The following FUCA2 variants were observed in gnomAD, a reference collection of about 807,000 sequenced individuals.
The protein encoded by FUCA2 is alpha-L-fucosidase 2, also known as plasma alpha-L-fucosidase.
FUCA2 carries 41 observed loss-of-function variants against 52.6 expected under a neutral mutation model. The ratio of observed to expected loss-of-function variants is 0.78; its 90% CI spans 0.61 to 1.01. FUCA2 has a LOEUF of 1.01. Ranked by LOEUF, FUCA2 falls within the 50% of genes least tolerant of loss-of-function variation. The probability of loss-of-function intolerance (pLI) is 0.00; values close to 1 mark genes in which losing one functional copy is unlikely to be tolerated. For missense variants in FUCA2, 507 were observed against 569.5 expected (o/e 0.89, Z 1.12); for synonymous variants, 211 against 217.3 (o/e 0.97, Z 0.26).
chr6:143,510,638 C>CA lies in FUCA2; in HGVS notation c.224+772dup, dbSNP rs57091762. Among the ~76,000 whole-genome samples, 4,067 of 76,776 alleles carry CA rather than the reference C, an allele frequency of 0.053. 115 individuals are homozygous for CA. The highest frequency in any genetic ancestry group is 0.15 in the Admixed American group (1,118 of 7,364). 50.4% of individuals were successfully genotyped at this position (76,776 alleles called of 152,430 possible). On this transcript the variant is annotated intron_variant, in intron 1 of 6. Coordinates refer to ENST00000002165, the MANE Select transcript of FUCA2 (RefSeq NM_032020.5). The surrounding 1 kb of genome is among the most constrained non-coding windows in gnomAD (Gnocchi z 4.4). ...TGGGTGACAGAATGAGACTATGTCT[C>CA]AAAAAAAAAAAAAAAAGAATATATT...
Position 143,497,130 on chromosome 6 carries a change from TA to T in FUCA2, c.1263+258del. 3.7e-5 allele frequency: 14 copies of T among 383,186 alleles called. No homozygotes were observed. The highest frequency in any genetic ancestry group is 1.1e-4 in the East Asian group (2 of 18,820). 23.7% of individuals were successfully genotyped at this position (383,186 alleles called of 1,614,324 possible). ...GCGTGCCACCATGCTCAGCTAACTT[TA>T]AAAAAAATTTTTGTAGACAGGGGTC... is the stretch of plus-strand genomic sequence containing the variant. On this transcript the variant is annotated intron_variant, in intron 6 of 6. Coordinates refer to ENST00000002165, the MANE Select transcript of FUCA2 (RefSeq NM_032020.5). The surrounding 1 kb of genome is among the most constrained non-coding windows in gnomAD (Gnocchi z 5.3).
chr6:143,507,547 C>A lies in FUCA2; in HGVS notation c.225-123G>T. 1 of 684,040 alleles carries A rather than the reference C, an allele frequency of 1.5e-6. No homozygotes were observed. The allele number at this position is 684,040 out of a possible 1,614,324, so 42.4% of individuals were successfully genotyped here. ...GGACCCAGATTCTCTTTCTCACTTC[C>A]CCATTAGTTTGACTTGGCTTTAAAG... On this transcript the variant is annotated intron_variant, in intron 1 of 6. Coordinates refer to ENST00000002165, the MANE Select transcript of FUCA2 (RefSeq NM_032020.5). The surrounding 1 kb of genome is among the most constrained non-coding windows in gnomAD (Gnocchi z 4.5).
At position 143,507,502 on chromosome 6, in the gene FUCA2, A is replaced by G. The variant is rs1780624425; in HGVS notation, c.225-78T>C. The G allele has an allele frequency of 1.9e-6, 2 of 1,029,572 alleles. No homozygotes were observed. Among genetic ancestry groups the G allele is most frequent in the African/African-American group, 1.7e-5 (1 of 59,706 alleles). The allele number at this position is 1,029,572 out of a possible 1,614,324, so 63.8% of individuals were successfully genotyped here. A position where few individuals can be genotyped will look rare whatever the true frequency, so the allele number is the denominator to read the frequency against. On this transcript the variant is annotated intron_variant, in intron 1 of 6. Coordinates refer to ENST00000002165, the MANE Select transcript of FUCA2 (RefSeq NM_032020.5). This position sits in a 1 kb window ranked among gnomAD's most constrained non-coding sequence, Gnocchi z 4.5. Reference sequence around the variant, plus strand: ...AAGAACTGCTCCAGCTCCCCTTACCATTTACCCCTCACACAGATAGGACCC... The same window carrying G: ...AAGAACTGCTCCAGCTCCCCTTACCGTTTACCCCTCACACAGATAGGACCC...
chr6:143,502,602 A>G lies in FUCA2; in HGVS notation c.753-37T>C. 1 of 1,530,906 alleles carries G rather than the reference A, an allele frequency of 6.5e-7. No individual in the cohort carries two copies. The highest frequency in any genetic ancestry group is 2.2e-5 in the East Asian group (1 of 44,484). 94.8% of individuals were successfully genotyped at this position (1,530,906 alleles called of 1,614,324 possible). On this transcript the variant is annotated intron_variant, in intron 3 of 6. Transcript: ENST00000002165. The surrounding 1 kb of genome is among the most constrained non-coding windows in gnomAD (Gnocchi z 4.1). Reference sequence around the variant, plus strand: ...CATACAATTTTTTAAAACAAAAGGTATAAGCTTTTTATACAAAAAGAAATG... The same window carrying G: ...CATACAATTTTTTAAAACAAAAGGTGTAAGCTTTTTATACAAAAAGAAATG...
At chr6:143,498,439 T>C (rs1001057842) in intron 5 of FUCA2, among the ~76,000 whole-genome samples, 3 of 152,114 alleles carry the variant, frequency 2.0e-5, no homozygotes, top group African/African-American at 7.2e-5. Context: ...TTAAACAGAA[T>C]AGTCAGGGAA....
Position 143,497,210 on chromosome 6 carries a change from C to A in FUCA2, c.1263+179G>T. The A allele has an allele frequency of 1.8e-6, 1 of 560,524 alleles. No individual in the cohort carries two copies. The highest frequency in any genetic ancestry group is 3.2e-6 in the Non-Finnish European group (1 of 311,776). The allele number at this position is 560,524 out of a possible 1,614,324, so 34.7% of individuals were successfully genotyped here. ...CTTCTGGCCTCAAGACATCCTCCTGCCTTAGCCTCCCAAAGTGCTGGAATT... is the reference window on the plus strand; with the variant it reads ...CTTCTGGCCTCAAGACATCCTCCTGACTTAGCCTCCCAAAGTGCTGGAATT... On this transcript the variant is annotated intron_variant, in intron 6 of 6. Transcript: ENST00000002165. The surrounding 1 kb of genome is among the most constrained non-coding windows in gnomAD (Gnocchi z 5.3).
In FUCA2 at chr6:143,509,012, C is replaced by T. The variant is rs572495221; in HGVS notation, c.225-1588G>A. 1.3e-5 allele frequency among the ~76,000 whole-genome samples: 2 copies of T among 152,300 alleles called. No homozygotes were observed. The highest frequency in any genetic ancestry group is 4.1e-4 in the South Asian group (2 of 4,820). ...TCAAGCGATCGTCCCACCTCACCCT[C>T]CTGAGTATCTGGGACTACGGGCATT... On this transcript the variant is annotated intron_variant, in intron 1 of 6. Coordinates refer to ENST00000002165, the MANE Select transcript of FUCA2 (RefSeq NM_032020.5). This position sits in a 1 kb window ranked among gnomAD's most constrained non-coding sequence, Gnocchi z 5.4.
In FUCA2 at chr6:143,509,585, A is replaced by G. The variant is rs1300666175; in HGVS notation, c.224+1826T>C. Among the ~76,000 whole-genome samples the G allele has an allele frequency of 2.6e-5, 4 of 152,240 alleles. No individual in the cohort carries two copies. The highest frequency in any genetic ancestry group is 4.4e-5 in the Non-Finnish European group (3 of 68,038). On this transcript the variant is annotated intron_variant, in intron 1 of 6. Transcript: ENST00000002165. The surrounding 1 kb of genome is among the most constrained non-coding windows in gnomAD (Gnocchi z 5.4). ...TACCTAATCTTCATGGTTGAACAAAATGATAATATAAGATACAATTTAGGG... is the reference window on the plus strand; with the variant it reads ...TACCTAATCTTCATGGTTGAACAAAGTGATAATATAAGATACAATTTAGGG...
In FUCA2 at chr6:143,511,680, C is replaced by T. The variant is rs1029145134; in HGVS notation, c.-46G>A. 1.6e-5 allele frequency: 23 copies of T among 1,421,642 alleles called. No homozygotes were observed. In the Admixed American group the frequency reaches 5.3e-4, roughly 33 times the overall value. The allele number at this position is 1,421,642 out of a possible 1,614,324, so 88.1% of individuals were successfully genotyped here. On this transcript the variant is annotated 5_prime_UTR_variant, in exon 1 of 7. Coordinates refer to ENST00000002165, the MANE Select transcript of FUCA2 (RefSeq NM_032020.5). The surrounding 1 kb of genome is among the most constrained non-coding windows in gnomAD (Gnocchi z 6.3). ...TCCTCTCTGCAGGCTCCCGCGGCCT[C>T]GGGAGCGCTGTTCTTCCGTCTCTGC...
At position 143,495,924 on chromosome 6, in the gene FUCA2, A is replaced by G. The variant is rs771487334; in HGVS notation, c.1264-77T>C. 1.3e-5 allele frequency: 19 copies of G among 1,488,178 alleles called. No homozygotes were observed. The highest frequency in any genetic ancestry group is 1.5e-5 in the Non-Finnish European group (16 of 1,090,188). 92.2% of individuals were successfully genotyped at this position (1,488,178 alleles called of 1,614,324 possible). A position where few individuals can be genotyped will look rare whatever the true frequency, so the allele number is the denominator to read the frequency against. Reference sequence around the variant, plus strand: ...ACCCACTTTCTATTGGGAAGGAGTGATTAGTAGTTCAAACAAAATTGTAGA... The same window carrying G: ...ACCCACTTTCTATTGGGAAGGAGTGGTTAGTAGTTCAAACAAAATTGTAGA... On this transcript the variant is annotated intron_variant, in intron 6 of 6. Transcript: ENST00000002165. This position sits in a 1 kb window ranked among gnomAD's most constrained non-coding sequence, Gnocchi z 5.2.
chr6:143,505,307 A>ATTTTTTTT (rs35474217), intron 2 of FUCA2: 2 of 96,626 alleles, frequency 2.1e-5, no homozygotes, highest in African/African-American at 8.8e-5. Flanking sequence ...CATACTTTCG[A>ATTTTTTTT]TTTTTTTTTT....
At position 143,507,413 on chromosome 6, in the gene FUCA2, T is replaced by G. The variant is rs1401330269; in HGVS notation, c.236A>C (p.Gln79Pro). ...CACATACTTCGGTATCTTTTCCTTT[T>G]GCCAATACCACCTAAGGGGAGGAAA... Reference protein sequence around the residue: ...FGSEWFWWYWQKEKIPKYVEF... With the variant: ...FGSEWFWWYWPKEKIPKYVEF... Residue 79 changes from glutamine (Q) to proline (P), a missense_variant, in exon 2 of 7, where the codon CAA (glutamine) becomes CCA (proline). By Grantham distance (76) the Gln-to-Pro change is moderately conservative. Coordinates refer to ENST00000002165, the MANE Select transcript of FUCA2 (RefSeq NM_032020.5). The surrounding 1 kb of genome is among the most constrained non-coding windows in gnomAD (Gnocchi z 4.5). The G allele has an allele frequency of 1.3e-6, 2 of 1,594,876 alleles. No homozygotes were observed. The highest frequency in any genetic ancestry group is 2.3e-5 in the East Asian group (1 of 44,254).
intron 1 of FUCA2, among the ~76,000 whole-genome samples, chr6:143,508,750 G>T (rs1780644905): frequency 6.6e-6 from 1 of 152,244 alleles, no homozygotes; most frequent in Admixed American, 6.5e-5. Flanking sequence ...GAGGATGAAA[G>T]AAAGAGCCCG....
In FUCA2 at chr6:143,502,339, A is replaced by G; in HGVS notation, c.963+16T>C. The G allele has an allele frequency of 4.4e-6, 7 of 1,609,110 alleles. No individual in the cohort carries two copies. Among genetic ancestry groups the G allele is most frequent in the South Asian group, 1.1e-5 (1 of 90,822 alleles). On this transcript the variant is annotated intron_variant, in intron 4 of 6. Transcript: ENST00000002165. This position sits in a 1 kb window ranked among gnomAD's most constrained non-coding sequence, Gnocchi z 4.1. ...TAAGAATATTATGTTAATAGCCACC[A>G]GACATTTCACTGTACCTTCACCAAT...
At chr6:143,505,400 G>A (rs1409597220) in intron 2 of FUCA2, 1 of 139,478 alleles carries the variant, frequency 7.2e-6, no homozygotes, top group Non-Finnish European at 1.5e-5. Flanking sequence ...CTGCATCCTC[G>A]ACCTCCTGGG....
At position 143,504,328 on chromosome 6, in the gene FUCA2, A is replaced by C; in HGVS notation, c.413-76T>G. On this transcript the variant is annotated intron_variant, in intron 2 of 6. Coordinates refer to ENST00000002165, the MANE Select transcript of FUCA2 (RefSeq NM_032020.5). This position sits in a 1 kb window ranked among gnomAD's most constrained non-coding sequence, Gnocchi z 4.4. ...AAATTTCAACCCACACAAATGCCCA[A>C]ACAAATCACATAGTACATGCGATAT... 2 of 1,224,584 alleles carry C rather than the reference A, an allele frequency of 1.6e-6. No individual in the cohort carries two copies. The highest frequency in any genetic ancestry group is 2.9e-5 in the South Asian group (2 of 70,078). The allele number at this position is 1,224,584 out of a possible 1,614,324, so 75.9% of individuals were successfully genotyped here.
In FUCA2 at chr6:143,509,259, C is replaced by T. The variant is rs1780652808; in HGVS notation, c.225-1835G>A. 6.6e-6 allele frequency among the ~76,000 whole-genome samples: 1 copy of T among 152,174 alleles called. No homozygotes were observed. Among genetic ancestry groups the T allele is most frequent in the Non-Finnish European group, 1.5e-5 (1 of 68,040 alleles). ...AAACAGTCACATATACTCATCTATACTGTTGATTCCCCGAAAGTCAAATTG... is the reference window on the plus strand; with the variant it reads ...AAACAGTCACATATACTCATCTATATTGTTGATTCCCCGAAAGTCAAATTG... On this transcript the variant is annotated intron_variant, in intron 1 of 6. Transcript: ENST00000002165. The surrounding 1 kb of genome is among the most constrained non-coding windows in gnomAD (Gnocchi z 5.4).
rs577352128 is a variant in FUCA2, at chr6:143,509,271, C to T, written c.225-1847G>A. On this transcript the variant is annotated intron_variant, in intron 1 of 6. Coordinates refer to ENST00000002165, the MANE Select transcript of FUCA2 (RefSeq NM_032020.5). This position sits in a 1 kb window ranked among gnomAD's most constrained non-coding sequence, Gnocchi z 5.4. ...ATACTCATCTATACTGTTGATTCCC[C>T]GAAAGTCAAATTGAGAGTGAGGAGC... Among the ~76,000 whole-genome samples the T allele has an allele frequency of 7.9e-5, 12 of 152,128 alleles. 1 individual carries two copies. The highest frequency in any genetic ancestry group is 4.2e-4 in the South Asian group (2 of 4,814).
rs1396091488 is a variant in FUCA2, at chr6:143,502,016, C to G, written c.1070G>C (p.Gly357Ala). The G allele has an allele frequency of 6.2e-7, 1 of 1,613,794 alleles. No homozygotes were observed. Among genetic ancestry groups the G allele is most frequent in the Non-Finnish European group, 8.5e-7 (1 of 1,179,912 alleles). The change falls in exon 5 of 7, where the codon GGG becomes GCG. Residue 357 changes from glycine (G) to alanine (A), a missense_variant. Physicochemically the swap from Gly to Ala is moderately conservative, Grantham distance 60. Coordinates refer to ENST00000002165, the MANE Select transcript of FUCA2 (RefSeq NM_032020.5). The surrounding 1 kb of genome is among the most constrained non-coding windows in gnomAD (Gnocchi z 4.1). ...VVFEERLRQM[G>A]SWLKVNGEAI... Reference sequence around the variant, plus strand: ...TTCTCCATTGACTTTTAGCCAGGACCCCATTTGCCTCAGTCGCTCCTCAAA... The same window carrying G: ...TTCTCCATTGACTTTTAGCCAGGACGCCATTTGCCTCAGTCGCTCCTCAAA...
Sources: allele counts gnomAD v4.1 joint callset (sites outside exome capture counted in the v4.1 genomes callset), GRCh38; gene constraint gnomAD v4.1.1; non-coding constraint Gnocchi (gnomAD v3.1); transcripts MANE v1.5; gene names NCBI Gene and HGNC (gene_info 2026-07-23, HGNC 2026-07-21).